PTPRN2: variants seen among roughly 807,000 people sequenced by gnomAD.
The protein encoded by PTPRN2 is receptor-type tyrosine-protein phosphatase N2.
Under a neutral mutation model 118.8 loss-of-function variants are expected in PTPRN2, and 74 were observed. That is an observed-to-expected ratio of 0.62 (90% CI 0.52 to 0.76). The LOEUF is 0.76. Ranked by LOEUF, PTPRN2 falls within the 30% of genes least tolerant of loss-of-function variation. The probability of loss-of-function intolerance (pLI) is 0.00; values close to 1 mark genes in which losing one functional copy is unlikely to be tolerated. For synonymous variants in PTPRN2, 641 were observed against 608.0 expected, an observed-to-expected ratio of 1.05 and a Z score of -0.80; for missense variants, 1,481 against 1,394.4, an observed-to-expected ratio of 1.06 and a Z score of -0.99.
chr7:158,124,492 G>A (rs960048059), intron 9 of PTPRN2, among the ~76,000 whole-genome samples: 2 of 152,264 alleles, frequency 1.3e-5, no homozygotes, highest in African/African-American at 4.8e-5. Context: ...TGCTTGGAAA[G>A]AGAAATAGCC....
rs578254171 is a variant in PTPRN2 at position 157,785,897 on chromosome 7, G to A, written c.1789-102960C>T. Reference sequence around the variant, plus strand: ...ATAATCACTGGTTTTTTTTGTGTGCGTGTTCACCAGCCTGCTCACCTGGGT... The same window carrying A: ...ATAATCACTGGTTTTTTTTGTGTGCATGTTCACCAGCCTGCTCACCTGGGT... On this transcript the variant is annotated intron_variant, in intron 12 of 22. Transcript: ENST00000389418. This position sits in a 1 kb window ranked among gnomAD's most constrained non-coding sequence, Gnocchi z 7.3. Among the ~76,000 whole-genome samples, 23 of 152,018 alleles carry A rather than the reference G, an allele frequency of 1.5e-4. No homozygotes were observed. The highest frequency in any genetic ancestry group is 5.8e-4 in the East Asian group (3 of 5,174).
At chr7:158,223,582 G>A (rs894336919) in intron 3 of PTPRN2, among the ~76,000 whole-genome samples, 1 of 152,034 alleles carries the variant, frequency 6.6e-6, no homozygotes, top group Non-Finnish European at 1.5e-5. Context: ...TACAGCAATC[G>A]ATGCAGAAAA....
At chr7:158,202,445 C>T (rs1031375007) in intron 4 of PTPRN2, among the ~76,000 whole-genome samples, 10 of 152,112 alleles carry the variant, frequency 6.6e-5, no homozygotes, top group Non-Finnish European at 2.9e-5. Context: ...TGATTGTCCC[C>T]AGGCAGTCAT....
chr7:157,807,748 C>T (rs1331037723), intron 12 of PTPRN2, among the ~76,000 whole-genome samples: 2 of 152,226 alleles, frequency 1.3e-5, no homozygotes, highest in African/African-American at 4.8e-5. Flanking sequence ...CTGCAAATGC[C>T]TGGCCTCCTG....
chr7:157,984,236 C>T lies in PTPRN2; in HGVS notation c.1724-85499G>A, dbSNP rs561537785. On this transcript the variant is annotated intron_variant, in intron 11 of 22. Coordinates refer to ENST00000389418, the MANE Select transcript of PTPRN2 (RefSeq NM_002847.5). ...CTCTTCACCTGAAACCACCGCCCCACGCCAGGCTCCACCTCCCCACGCCAG... is the reference window on the plus strand; with the variant it reads ...CTCTTCACCTGAAACCACCGCCCCATGCCAGGCTCCACCTCCCCACGCCAG... Among the ~76,000 whole-genome samples the T allele has an allele frequency of 3.1e-4, 47 of 149,672 alleles. No individual in the cohort carries two copies. The South Asian group carries it at 3.4e-3, about 11-fold the overall frequency.
intron 12 of PTPRN2, among the ~76,000 whole-genome samples, chr7:157,803,770 T>A (rs1485808605): frequency 6.6e-6 from 1 of 152,242 alleles, no homozygotes; most frequent in Non-Finnish European, 1.5e-5. Flanking sequence ...GTTCCATTGA[T>A]CTATAAGTCT....
At chr7:158,408,715 C>T (rs559382550) in intron 2 of PTPRN2, among the ~76,000 whole-genome samples, 3 of 152,316 alleles carry the variant, frequency 2.0e-5, no homozygotes, top group South Asian at 2.1e-4. Flanking sequence ...GACCACCCTT[C>T]GTGACCGGAC....
intron 2 of PTPRN2, among the ~76,000 whole-genome samples, chr7:158,320,632 C>G (rs1437687741): frequency 6.6e-6 from 1 of 152,254 alleles, no homozygotes; most frequent in Non-Finnish European, 1.5e-5. Flanking sequence ...CAGCGTTTGG[C>G]TGCTGTCATA....
chr7:158,486,952 T>C (rs944619744), intron 2 of PTPRN2, among the ~76,000 whole-genome samples: 2 of 152,164 alleles, frequency 1.3e-5, no homozygotes, highest in Admixed American at 1.3e-4. Context: ...CCCCAGCCCC[T>C]GGCCCCATCA....
chr7:158,416,071 C>T (rs891057721), intron 2 of PTPRN2, among the ~76,000 whole-genome samples: 2 of 152,204 alleles, frequency 1.3e-5, no homozygotes, highest in Non-Finnish European at 2.9e-5. Context: ...GTTTCAGAAA[C>T]AGCAAATCCT....
chr7:158,417,947 G>GTAT, intron 2 of PTPRN2, among the ~76,000 whole-genome samples: 2 of 149,266 alleles, frequency 1.3e-5, no homozygotes, highest in African/African-American at 5.0e-5. Context: ...AAGTCATGGT[G>GTAT]TACTACATCG....
At chr7:157,913,216 CT>C in intron 11 of PTPRN2, among the ~76,000 whole-genome samples, 1 of 152,160 alleles carries the variant, frequency 6.6e-6, no homozygotes, top group Non-Finnish European at 1.5e-5. Context: ...CATTTTCTAA[CT>C]TTTTTTCCTA....
chr7:158,350,511 A>G (rs893437677), intron 2 of PTPRN2, among the ~76,000 whole-genome samples: 5 of 152,224 alleles, frequency 3.3e-5, no homozygotes, highest in African/African-American at 1.2e-4. Context: ...TTTGTCTTCA[A>G]TGATTTTGAA....
chr7:157,949,947 C>T (rs191430038), intron 11 of PTPRN2, among the ~76,000 whole-genome samples: 179 of 152,300 alleles, frequency 1.2e-3, no homozygotes, highest in African/African-American at 4.0e-3. Context: ...AACTATCTGA[C>T]TCATTAAGTT....
At chr7:157,735,962 G>T (rs562092534) in intron 12 of PTPRN2, among the ~76,000 whole-genome samples, 1 of 152,232 alleles carries the variant, frequency 6.6e-6, no homozygotes, top group Non-Finnish European at 1.5e-5. Context: ...TGAAGGTGAC[G>T]TGACAGACAG....
At chr7:158,047,487 CCTGCCTGCAGTCACTGAGCATGTGAGGG>C (rs1472995743) in intron 11 of PTPRN2, among the ~76,000 whole-genome samples, 1 of 151,698 alleles carries the variant, frequency 6.6e-6, no homozygotes, top group Admixed American at 6.6e-5. Flanking sequence ...GCGTGTGAGG[CCTGCCTGCAGTCACTGAGCATGTGAGGG>C]CTGCCTGCAG....
rs1901756 is a variant in PTPRN2 at position 158,419,408 on chromosome 7, T to C, written c.163+70327A>G. ...TTCCTTCACTGCAAGAATTCCATCA[T>C]TGCAAGAATTCTGTCACTGCCGTAA... On this transcript the variant is annotated intron_variant, in intron 2 of 22. Transcript: ENST00000389418. Among the ~76,000 whole-genome samples, 143 of 151,554 alleles carry C rather than the reference T, an allele frequency of 9.4e-4. 2 individuals carry two copies. The highest frequency in any genetic ancestry group is 2.9e-3 in the African/African-American group (118 of 41,252).
intron 6 of PTPRN2, among the ~76,000 whole-genome samples, chr7:158,149,446 A>G (rs1026555070): frequency 6.6e-6 from 1 of 152,104 alleles, no homozygotes; most frequent in African/African-American, 2.4e-5. Context: ...AGAGGTAAAA[A>G]AAAAAAAAAA....
In PTPRN2 at chr7:158,194,150, TGTGTGA is replaced by T. The variant is rs1164834464; in HGVS notation, c.381-1661_381-1656del. Among the ~76,000 whole-genome samples, 1,236 of 151,710 alleles carry T rather than the reference TGTGTGA, an allele frequency of 8.1e-3. 19 individuals carry two copies. The highest frequency in any genetic ancestry group is 0.028 in the African/African-American group (1,167 of 41,176). ...GCGTGTGTGAGTTTGTGTAAGTGTGTGTGTGAGTGTGTGAGGGGTGTGAGTGCGTGT... is the reference window on the plus strand; with the variant it reads ...GCGTGTGTGAGTTTGTGTAAGTGTGTGTGTGTGAGGGGTGTGAGTGCGTGT... On this transcript the variant is annotated intron_variant, in intron 4 of 22. Coordinates refer to ENST00000389418, the MANE Select transcript of PTPRN2 (RefSeq NM_002847.5).
Sources: allele counts gnomAD v4.1 joint callset (sites outside exome capture counted in the v4.1 genomes callset), GRCh38; gene constraint gnomAD v4.1.1; non-coding constraint Gnocchi (gnomAD v3.1); transcripts MANE v1.5; gene names NCBI Gene and HGNC (gene_info 2026-07-23, HGNC 2026-07-21).